FHL2: variants seen among roughly 807,000 people sequenced by gnomAD.
FHL2 encodes the protein four and a half LIM domains protein 2.
Under a neutral mutation model 32.7 loss-of-function variants are expected in FHL2, and 20 were observed. The ratio of observed to expected loss-of-function variants is 0.61; its 90% CI spans 0.43 to 0.89. The LOEUF is 0.89. FHL2 is among the 40% of genes least tolerant of loss of function. The pLI is 0.00. For missense variants in FHL2, 311 were observed against 358.6 expected (o/e 0.87, Z 1.07); for synonymous variants, 123 against 128.1 (o/e 0.96, Z 0.27).
At chr2:105,423,737 C>T (rs1315664047) in intron 1 of FHL2, among the ~76,000 whole-genome samples, 1 of 152,210 alleles carries the variant, frequency 6.6e-6, no homozygotes, top group Non-Finnish European at 1.5e-5. Context: ...CTACAACCAT[C>T]TGATCTTTGA....
At chr2:105,379,748 G>A (rs1681742606) in intron 3 of FHL2, among the ~76,000 whole-genome samples, 1 of 152,094 alleles carries the variant, frequency 6.6e-6, no homozygotes, top group African/African-American at 2.4e-5. Context: ...ACCATACTCT[G>A]TCCCTGGCCT....
At chr2:105,390,979 A>C in intron 2 of FHL2, among the ~76,000 whole-genome samples, 1 of 148,860 alleles carries the variant, frequency 6.7e-6, no homozygotes, top group African/African-American at 2.5e-5. Flanking sequence ...GTGTGTGTGT[A>C]TGTGTGTGTG....
chr2:105,363,741 A>G (rs1278858716), intron 5 of FHL2, among the ~76,000 whole-genome samples: 1 of 152,190 alleles, frequency 6.6e-6, no homozygotes, highest in South Asian at 2.1e-4. Context: ...TCTAAGGCAT[A>G]GGGTGCCTCA....
intron 1 of FHL2, among the ~76,000 whole-genome samples, chr2:105,415,302 T>C (rs1683901405): frequency 6.6e-6 from 1 of 152,242 alleles, no homozygotes; most frequent in Admixed American, 6.5e-5. Flanking sequence ...GATGTGTGGC[T>C]ATTATACATG....
intron 1 of FHL2, among the ~76,000 whole-genome samples, chr2:105,420,065 G>C (rs1161076257): frequency 6.6e-6 from 1 of 152,196 alleles, no homozygotes; most frequent in Non-Finnish European, 1.5e-5. Context: ...ATGCCCCATT[G>C]TGTTAGTCTG....
chr2:105,387,877 T>A (rs1425436851), intron 2 of FHL2, among the ~76,000 whole-genome samples: 4 of 152,096 alleles, frequency 2.6e-5, no homozygotes, highest in African/African-American at 9.7e-5. Context: ...GATGACAGAT[T>A]GGATAAAGAA....
At chr2:105,399,619 A>G, upstream of FHL2, 1 of 1,520,754 alleles carries the variant, frequency 6.6e-7, no homozygotes, top group South Asian at 1.2e-5. Flanking sequence ...CGGGGCCAGA[A>G]GACTAGTTAG....
chr2:105,434,822 GTT>G (rs1684540659), intron 1 of FHL2, among the ~76,000 whole-genome samples: 1 of 151,884 alleles, frequency 6.6e-6, no homozygotes, highest in African/African-American at 2.4e-5. Flanking sequence ...TGCCCAGGCT[GTT>G]TTCAAACTCC....
chr2:105,413,107 C>T (rs1381879457), intron 1 of FHL2, among the ~76,000 whole-genome samples: 2 of 152,154 alleles, frequency 1.3e-5, no homozygotes, highest in Non-Finnish European at 2.9e-5. Flanking sequence ...TTTCCTGGTT[C>T]CATCCCTTCC....
At chr2:105,385,433 G>T (rs2104583332) in intron 3 of FHL2, among the ~76,000 whole-genome samples, 1 of 152,344 alleles carries the variant, frequency 6.6e-6, no homozygotes, top group Admixed American at 6.5e-5. Context: ...AACGACCAGG[G>T]AGGAGAGCAG....
chr2:105,434,497 G>A (rs1488880921), intron 1 of FHL2, among the ~76,000 whole-genome samples: 1 of 152,122 alleles, frequency 6.6e-6, no homozygotes, highest in Non-Finnish European at 1.5e-5. Context: ...GAACCTGGGA[G>A]ACGGAGGTTG....
chr2:105,421,356 T>C (rs1684099335), intron 1 of FHL2, among the ~76,000 whole-genome samples: 1 of 152,186 alleles, frequency 6.6e-6, no homozygotes. Flanking sequence ...AAAAGCCTGG[T>C]CACTGGAGTG....
exon 1 of FHL2, chr2:105,438,418 T>C (rs1684677846): frequency 1.0e-6 from 1 of 985,380 alleles, no homozygotes; most frequent in Admixed American, 6.1e-5. Context: ...TAGGGTTCTG[T>C]CTTCTGTCCT....
At chr2:105,359,952 A>C (rs537372626), downstream of FHL2, 1 of 152,332 alleles carries the variant, frequency 6.6e-6, no homozygotes, top group East Asian at 1.9e-4. Context: ...CTTCACTGTC[A>C]GTTTATGTTA....
intron 1 of FHL2, among the ~76,000 whole-genome samples, chr2:105,413,901 T>G (rs1683863134): frequency 6.6e-6 from 1 of 152,192 alleles, no homozygotes; most frequent in Admixed American, 6.5e-5. Flanking sequence ...AGACACCAGC[T>G]GGGTGTCCTC....
upstream of FHL2, chr2:105,399,744 CT>C: frequency 2.1e-6 from 2 of 943,062 alleles, no homozygotes; most frequent in South Asian, 3.5e-5. Context: ...ACAGATGGCA[CT>C]GTTCAGCATT....
rs144540757 is a variant in FHL2 at position 105,383,263 on chromosome 2, C to T, written c.156+3098G>A. ...CCCCAAAAACTCTGTAATCAGTCTA[C>T]GAAAATATTTTGTTAATGCTAACAG... On this transcript the variant is annotated intron_variant, in intron 3 of 6. Transcript: ENST00000530340. 3.1e-3 allele frequency among the ~76,000 whole-genome samples: 468 copies of T among 152,268 alleles called. 2 individuals carry two copies. Among genetic ancestry groups the T allele is most frequent in the Middle Eastern group, 6.8e-3 (2 of 294 alleles).
At chr2:105,412,193 A>G (rs1180212273) in intron 1 of FHL2, among the ~76,000 whole-genome samples, 1 of 152,248 alleles carries the variant, frequency 6.6e-6, no homozygotes, top group Non-Finnish European at 1.5e-5. Flanking sequence ...GCTTCCATAG[A>G]TAGGTGAATG....
At chr2:105,396,602 T>C (rs1293663497) in intron 2 of FHL2, 45 bp downstream of exon 2, 1 of 1,575,544 alleles carries the variant, frequency 6.3e-7, no homozygotes, top group Admixed American at 1.7e-5. Context: ...TAGCTAAAAC[T>C]GAAATCCACA....
Sources: gnomAD v4.1 joint callset for allele counts (sites outside exome capture counted in the v4.1 genomes callset) on GRCh38, gnomAD v4.1.1 for gene constraint, MANE v1.5 for transcripts, NCBI Gene and HGNC (gene_info 2026-07-23, HGNC 2026-07-21) for gene names.